The following ANO3 variants were observed in gnomAD, a reference collection of about 807,000 sequenced individuals.
ANO3 encodes the protein anoctamin 3, also known as anoctamin-3.
A neutral mutation model predicts 144.8 loss-of-function variants in ANO3; 99 were observed. The observed-to-expected ratio is 0.68, with a 90% CI of 0.58 to 0.81. The LOEUF is 0.81. Ranked by LOEUF, ANO3 falls within the 30% of genes least tolerant of loss-of-function variation. ANO3 has a pLI of 0.00. For missense variants in ANO3, 905 were observed against 1,202.2 expected (o/e 0.75, Z 3.66); for synonymous variants, 414 against 392.6 (o/e 1.05, Z -0.64).
chr11:26,362,421 A>C (rs1196868766), intron 1 of ANO3, among the ~76,000 whole-genome samples: 2 of 152,174 alleles, frequency 1.3e-5, no homozygotes, highest in African/African-American at 4.8e-5. Flanking sequence ...CATGACCCTG[A>C]AATCCCTTTT....
intron 5 of ANO3, among the ~76,000 whole-genome samples, chr11:26,515,761 G>A (rs1296509365): frequency 6.6e-6 from 1 of 151,940 alleles, no homozygotes; most frequent in Non-Finnish European, 1.5e-5. Flanking sequence ...ATCAAATGGA[G>A]CTCAGCTGTG....
rs1554954653 is a variant in ANO3 at position 26,441,118 on chromosome 11, T to TTTTTTG, written c.47-795_47-794insGTTTTT. Among the ~76,000 whole-genome samples the TTTTTTG allele has an allele frequency of 8.1e-4, 98 of 120,820 alleles. 3 individuals are homozygous for TTTTTTG. Among genetic ancestry groups the TTTTTTG allele is most frequent in the African/African-American group, 3.0e-3 (90 of 30,156 alleles). 79.3% of individuals were successfully genotyped at this position (120,820 alleles called of 152,430 possible). On this transcript the variant is annotated intron_variant, in intron 1 of 26. Transcript: ENST00000256737. ...TGCTTGCTGCCCAGTTTTTTTTTTT[T>TTTTTTG]TTTTTTTTTTTTTTTTTGAGACGGA...
intron 1 of ANO3, among the ~76,000 whole-genome samples, chr11:26,417,091 CA>C (rs1268580631): frequency 6.6e-6 from 1 of 151,938 alleles, no homozygotes; most frequent in Non-Finnish European, 1.5e-5. Flanking sequence ...AACCATGGCA[CA>C]AGAGCAAGAT....
intron 18 of ANO3, 42 bp downstream of exon 18, chr11:26,624,540 A>G: frequency 2.2e-6 from 3 of 1,394,634 alleles, no homozygotes; most frequent in Non-Finnish European, 3.0e-6. Context: ...TCAGAAAATA[A>G]CATATGGGCA....
intron 24 of ANO3, among the ~76,000 whole-genome samples, chr11:26,653,684 G>C (rs899222239): frequency 6.6e-6 from 1 of 151,650 alleles, no homozygotes; most frequent in Non-Finnish European, 1.5e-5. Flanking sequence ...TACGTGCCAA[G>C]GTCTCTGCTT....
At chr11:26,399,182 T>A (rs1211319192) in intron 1 of ANO3, among the ~76,000 whole-genome samples, 1 of 151,940 alleles carries the variant, frequency 6.6e-6, no homozygotes, top group Non-Finnish European at 1.5e-5. Context: ...CCCATGTTAC[T>A]TTCCTTCATC....
chr11:26,514,077 C>T (rs1861769873), intron 5 of ANO3, among the ~76,000 whole-genome samples: 1 of 148,990 alleles, frequency 6.7e-6, no homozygotes. Context: ...ATAAAGACTA[C>T]AGAAAGAGTT....
intron 4 of ANO3, among the ~76,000 whole-genome samples, chr11:26,491,497 G>A (rs965984126): frequency 6.6e-6 from 1 of 152,150 alleles, no homozygotes; most frequent in African/African-American, 2.4e-5. Flanking sequence ...CTTGTAAGCT[G>A]GTACAATCTG....
At chr11:26,487,171 T>C (rs1460415582) in intron 4 of ANO3, among the ~76,000 whole-genome samples, 3 of 152,198 alleles carry the variant, frequency 2.0e-5, no homozygotes, top group Non-Finnish European at 2.9e-5. Context: ...TTCCCACGTG[T>C]TGTGGGAGGG....
Position 26,544,251 on chromosome 11 carries a change from C to CATATATATATATATATATATAT in ANO3, c.1154+2185_1154+2206dup, listed in dbSNP as rs1554967685. Among the ~76,000 whole-genome samples the CATATATATATATATATATATAT allele has an allele frequency of 3.8e-3, 147 of 38,284 alleles. 3 individuals are homozygous for CATATATATATATATATATATAT. Among genetic ancestry groups the CATATATATATATATATATATAT allele is most frequent in the South Asian group, 0.01 (4 of 390 alleles). The allele number at this position is 38,284 out of a possible 152,430, so 25.1% of individuals were successfully genotyped here. On this transcript the variant is annotated intron_variant, in intron 11 of 26. Coordinates refer to ENST00000256737, the MANE Select transcript of ANO3 (RefSeq NM_031418.4). ...TAAGGTTAAGTAGTATTTCATTATACATATATATATATATATATATATACA... is the reference window on the plus strand; with the variant it reads ...TAAGGTTAAGTAGTATTTCATTATACATATATATATATATATATATATATATATATATATATATATATATACA...
chr11:26,445,875 AG>A (rs1461201016), intron 3 of ANO3, among the ~76,000 whole-genome samples: 11 of 151,986 alleles, frequency 7.2e-5, no homozygotes, highest in Non-Finnish European at 1.3e-4. Context: ...TCTCTTGCGC[AG>A]GCTGGAGTGC....
chr11:26,410,862 A>G (rs903978564), intron 1 of ANO3, among the ~76,000 whole-genome samples: 1 of 151,992 alleles, frequency 6.6e-6, no homozygotes, highest in Non-Finnish European at 1.5e-5. Flanking sequence ...TTAGAGGAGT[A>G]TCAGTCATAA....
rs189877593 is a variant in ANO3 at position 26,450,964 on chromosome 11, T to C, written c.313+7128T>C. Among the ~76,000 whole-genome samples the C allele has an allele frequency of 1.6e-3, 246 of 152,344 alleles. 1 individual carries two copies. Among genetic ancestry groups the C allele is most frequent in the South Asian group, 3.7e-3 (18 of 4,830 alleles). ...GATCATAATAGTCTGCTATATTATA[T>C]TGGTCAGTTCCTTTAAGTTTTGAAC... On this transcript the variant is annotated intron_variant, in intron 3 of 26. Coordinates refer to ENST00000256737, the MANE Select transcript of ANO3 (RefSeq NM_031418.4).
chr11:26,306,241 T>A (rs1454538595), upstream of ANO3, among the ~76,000 whole-genome samples: 1 of 151,766 alleles, frequency 6.6e-6, no homozygotes, highest in Non-Finnish European at 1.5e-5. Context: ...CCCAAAGTGC[T>A]GGGATTATAG....
rs2126186 is a variant in ANO3, at chr11:26,391,887, T to G, written c.47-50031T>G. ...GATTCTAATACAGAAATATTTCCAT[T>G]TTATTCCATCGTTAAAGCTTTTAGC... On this transcript the variant is annotated intron_variant, in intron 1 of 26. Coordinates refer to ENST00000256737, the MANE Select transcript of ANO3 (RefSeq NM_031418.4). 6.9e-3 allele frequency among the ~76,000 whole-genome samples: 1,049 copies of G among 152,244 alleles called. 12 individuals carry two copies. The highest frequency in any genetic ancestry group is 0.024 in the African/African-American group (992 of 41,558).
chr11:26,404,492 A>C (rs1857226267), intron 1 of ANO3, among the ~76,000 whole-genome samples: 1 of 151,798 alleles, frequency 6.6e-6, no homozygotes, highest in East Asian at 1.9e-4. Flanking sequence ...AAGAGGAAAA[A>C]ATATTCTAGT....
At chr11:26,518,219 A>G (rs1408363038) in intron 6 of ANO3, among the ~76,000 whole-genome samples, 1 of 152,012 alleles carries the variant, frequency 6.6e-6, no homozygotes, top group Non-Finnish European at 1.5e-5. Flanking sequence ...TTCTATCTTC[A>G]TGCTATAACC....
At chr11:26,622,712 C>T (rs750065946) in intron 17 of ANO3, among the ~76,000 whole-genome samples, 1 of 152,202 alleles carries the variant, frequency 6.6e-6, no homozygotes, top group East Asian at 1.9e-4. Context: ...CTTGCTCAGT[C>T]GTGTTGTCTC....
intron 23 of ANO3, among the ~76,000 whole-genome samples, chr11:26,647,489 T>G (rs762537950): frequency 9.2e-5 from 14 of 152,204 alleles, no homozygotes; most frequent in Non-Finnish European, 1.5e-4. Context: ...CTAATGGCAT[T>G]TCAATTTTTG....
Sources: gnomAD v4.1 joint callset for allele counts (sites outside exome capture counted in the v4.1 genomes callset) on GRCh38, gnomAD v4.1.1 for gene constraint, MANE v1.5 for transcripts, NCBI Gene and HGNC (gene_info 2026-07-23, HGNC 2026-07-21) for gene names.